The following ZNF362 variants were observed in gnomAD, a reference collection of about 807,000 sequenced individuals.
The protein encoded by ZNF362 is rotund homolog.
Under a neutral mutation model 42.9 loss-of-function variants are expected in ZNF362, and 11 were observed. The ratio of observed to expected loss-of-function variants is 0.26; its 90% CI spans 0.16 to 0.42. The LOEUF is 0.42. Ranked by LOEUF, ZNF362 falls within the 20% of genes least tolerant of loss-of-function variation. ZNF362 has a pLI of 1.00. For missense variants in ZNF362, 362 were observed against 576.2 expected, an observed-to-expected ratio of 0.63 and a Z score of 3.81; for synonymous variants, 255 against 257.3, an observed-to-expected ratio of 0.99 and a Z score of 0.09.
At chr1:33,263,551 C>T (rs568559092) in intron 1 of ZNF362, among the ~76,000 whole-genome samples, 46 of 152,098 alleles carry the variant, frequency 3.0e-4, no homozygotes, top group Non-Finnish European at 5.3e-4. Context: ...GCTGGGATTA[C>T]AGGCGTGTGC....
At position 33,266,681 on chromosome 1, in the gene ZNF362, T is replaced by G. The variant is rs867240587; in HGVS notation, c.-88-3806T>G. On this transcript the variant is annotated intron_variant, in intron 1 of 8. Transcript: ENST00000539719. The surrounding 1 kb of genome is among the most constrained non-coding windows in gnomAD (Gnocchi z 4.3). ...ACAAATAACCAGATAACCAGACAGT[T>G]CCTCAAGGTGGTGCCAGCTGAGCAG... 6.6e-6 allele frequency among the ~76,000 whole-genome samples: 1 copy of G among 152,122 alleles called. No individual in the cohort carries two copies.
At chr1:33,222,572 C>T in the ZNF362 span, among the ~76,000 whole-genome samples, 2 of 152,078 alleles carry the variant, frequency 1.3e-5, no homozygotes, top group Non-Finnish European at 2.9e-5. Context: ...GCCTGAAATC[C>T]ACACTCTTTG....
At chr1:33,257,874 C>G (rs1037967952) in intron 1 of ZNF362, among the ~76,000 whole-genome samples, 2 of 152,134 alleles carry the variant, frequency 1.3e-5, no homozygotes, top group Non-Finnish European at 2.9e-5. Flanking sequence ...TCGCCCAAGC[C>G]CTGGGGTGAC....
At chr1:33,159,989 G>C in the ZNF362 span, 2 of 1,582,398 alleles carry the variant, frequency 1.3e-6, no homozygotes, top group Non-Finnish European at 1.7e-6. The surrounding 1 kb of genome is among the most constrained non-coding windows in gnomAD (Gnocchi z 4.2). Context: ...GGAGCAGATG[G>C]GGTGATCTCT....
rs564462706 is a variant in ZNF362, at chr1:33,266,950, C to T, written c.-88-3537C>T. ...ATGGGAATCCAAGAAGGATTTTAAG[C>T]GGTAGACTTAGCGCCCTGGGAAGGC... On this transcript the variant is annotated intron_variant, in intron 1 of 8. Coordinates refer to ENST00000539719, the MANE Select transcript of ZNF362 (RefSeq NM_152493.3). This position sits in a 1 kb window ranked among gnomAD's most constrained non-coding sequence, Gnocchi z 4.3. 1.3e-4 allele frequency among the ~76,000 whole-genome samples: 20 copies of T among 152,316 alleles called. No individual in the cohort carries two copies. Among genetic ancestry groups the T allele is most frequent in the African/African-American group, 4.1e-4 (17 of 41,562 alleles).
chr1:33,227,451 C>T, the ZNF362 span, among the ~76,000 whole-genome samples: 1 of 152,136 alleles, frequency 6.6e-6, no homozygotes, highest in East Asian at 1.9e-4. Flanking sequence ...GAAGCCCAAG[C>T]CATATATAAG....
chr1:33,250,835 GAAGA>G, the ZNF362 span, among the ~76,000 whole-genome samples: 2 of 146,054 alleles, frequency 1.4e-5, no homozygotes, highest in African/African-American at 2.5e-5. Flanking sequence ...AAGAAAAGAA[GAAGA>G]AAGAAGAAAG....
chr1:33,186,260 G>C, the ZNF362 span, among the ~76,000 whole-genome samples: 1 of 152,010 alleles, frequency 6.6e-6, no homozygotes, highest in Non-Finnish European at 1.5e-5. Flanking sequence ...TGACTTATTT[G>C]GTGCGAACCG....
At chr1:33,218,932 TACACACACACACACACACAC>T in the ZNF362 span, among the ~76,000 whole-genome samples, 44 of 121,092 alleles carry the variant, frequency 3.6e-4, no homozygotes, top group South Asian at 7.0e-3. Context: ...GAGCTGGACA[TACACACACACACACACACAC>T]ACACACACAC....
At chr1:33,225,462 C>T in the ZNF362 span, among the ~76,000 whole-genome samples, 3 of 152,088 alleles carry the variant, frequency 2.0e-5, no homozygotes, top group Non-Finnish European at 4.4e-5. Context: ...ATAACTACAG[C>T]TCTTTTAATC....
At chr1:33,240,088 A>C in the ZNF362 span, among the ~76,000 whole-genome samples, 3 of 152,214 alleles carry the variant, frequency 2.0e-5, no homozygotes, top group Admixed American at 6.5e-5. Context: ...TGAAAGCCTG[A>C]TGAGGAACAG....
At chr1:33,176,419 T>G in the ZNF362 span, 1 of 698,108 alleles carries the variant, frequency 1.4e-6, no homozygotes, top group South Asian at 1.5e-5. Context: ...AGGGCTTGCG[T>G]CCAAGGCTGA....
chr1:33,138,439 T>C, the ZNF362 span, among the ~76,000 whole-genome samples: 3 of 150,144 alleles, frequency 2.0e-5, no homozygotes, highest in South Asian at 6.3e-4. Context: ...AGTGGAGAGG[T>C]TGCTTGAGAC....
At chr1:33,175,383 AC>A in the ZNF362 span, among the ~76,000 whole-genome samples, 5 of 151,934 alleles carry the variant, frequency 3.3e-5, no homozygotes, top group Non-Finnish European at 7.4e-5. Flanking sequence ...GACAGAACTC[AC>A]CTCCAAATCT....
chr1:33,252,079 G>A (rs117259616), upstream of ZNF362, among the ~76,000 whole-genome samples: 493 of 152,340 alleles, frequency 3.2e-3, 17 homozygotes, highest in East Asian at 0.084. Flanking sequence ...TCGGCTGGGC[G>A]TGGTGGCTCA....
At chr1:33,192,040 TG>T in the ZNF362 span, among the ~76,000 whole-genome samples, 1 of 152,224 alleles carries the variant, frequency 6.6e-6, no homozygotes, top group East Asian at 1.9e-4. Flanking sequence ...CATTAGGTTC[TG>T]GATGTGGTTT....
chr1:33,248,947 GC>G, the ZNF362 span, among the ~76,000 whole-genome samples: 3 of 152,142 alleles, frequency 2.0e-5, no homozygotes, highest in Non-Finnish European at 4.4e-5. Flanking sequence ...CATTTGCTGA[GC>G]CCCCTCACCT....
chr1:33,154,412 G>T, the ZNF362 span, among the ~76,000 whole-genome samples: 3 of 152,176 alleles, frequency 2.0e-5, no homozygotes, highest in Non-Finnish European at 2.9e-5. Context: ...GGCCCTGTAG[G>T]ATCTGGGGCC....
the ZNF362 span, among the ~76,000 whole-genome samples, chr1:33,244,660 C>G: frequency 3.3e-5 from 5 of 152,160 alleles, no homozygotes; most frequent in African/African-American, 7.2e-5. The surrounding 1 kb of genome is among the most constrained non-coding windows in gnomAD (Gnocchi z 4.0). Context: ...GCCTCAGGCT[C>G]CACAATTTAC....
Sources: gnomAD v4.1 joint callset for allele counts (sites outside exome capture counted in the v4.1 genomes callset) on GRCh38, gnomAD v4.1.1 for gene constraint, Gnocchi (gnomAD v3.1) non-coding constraint, MANE v1.5 for transcripts, NCBI Gene and HGNC (gene_info 2026-07-23, HGNC 2026-07-21) for gene names.